The following NEGR1 variants were observed in gnomAD, a reference collection of about 807,000 sequenced individuals.
NEGR1 encodes the protein neuronal growth regulator 1.
Under a neutral mutation model 40.9 loss-of-function variants are expected in NEGR1, and 10 were observed. The ratio of observed to expected loss-of-function variants is 0.24; its 90% CI spans 0.15 to 0.42. The LOEUF (loss-of-function observed/expected upper bound fraction) is 0.42, where lower values mean the gene tolerates loss of function less well. Ranked by LOEUF, NEGR1 falls within the 10% of genes least tolerant of loss-of-function variation. NEGR1 has a pLI of 1.00. For missense variants in NEGR1, 352 were observed against 438.9 expected (o/e 0.80, Z 1.77); for synonymous variants, 185 against 166.8 (o/e 1.11, Z -0.84).
intron 1 of NEGR1, among the ~76,000 whole-genome samples, chr1:71,960,389 C>G (rs1290105665): frequency 6.6e-6 from 1 of 152,010 alleles, no homozygotes; most frequent in Non-Finnish European, 1.5e-5. Flanking sequence ...ATTCTATGGT[C>G]AAGATATAAC....
intron 1 of NEGR1, among the ~76,000 whole-genome samples, chr1:72,070,437 G>C (rs111273749): frequency 0.015 from 2,278 of 151,942 alleles, 54 homozygotes; most frequent in African/African-American, 0.052. Context: ...GTAATTTGGT[G>C]AAAAAAGTTT....
chr1:71,624,803 C>G (rs943299214), intron 4 of NEGR1, among the ~76,000 whole-genome samples: 1 of 151,924 alleles, frequency 6.6e-6, no homozygotes, highest in Non-Finnish European at 1.5e-5. Flanking sequence ...CCCCCTTACT[C>G]TCAAATTCTT....
At chr1:72,244,110 G>GT (rs1654830191) in intron 1 of NEGR1, among the ~76,000 whole-genome samples, 1 of 151,356 alleles carries the variant, frequency 6.6e-6, no homozygotes, top group Admixed American at 6.6e-5. Context: ...CTTTTGTTCT[G>GT]TTTTGACGAT....
intron 5 of NEGR1, among the ~76,000 whole-genome samples, chr1:71,606,776 A>G (rs1235689303): frequency 6.7e-6 from 1 of 149,262 alleles, no homozygotes; most frequent in Non-Finnish European, 1.5e-5. Context: ...GTAAGTGTAT[A>G]TTTCTTTCTT....
At chr1:71,476,009 T>C (rs1646817370) in intron 6 of NEGR1, among the ~76,000 whole-genome samples, 1 of 152,130 alleles carries the variant, frequency 6.6e-6, no homozygotes, top group Admixed American at 6.6e-5. Flanking sequence ...ACTTGATTTA[T>C]CTTTTGAGAA....
In NEGR1 at chr1:71,783,914, C is replaced by T. The variant is rs76133159; in HGVS notation, c.410-7617G>A. Among the ~76,000 whole-genome samples, 615 of 152,128 alleles carry T rather than the reference C, an allele frequency of 4.0e-3. 2 individuals are homozygous for T. Among genetic ancestry groups the T allele is most frequent in the Non-Finnish European group, 6.5e-3 (444 of 67,988 alleles). On this transcript the variant is annotated intron_variant, in intron 2 of 6. Coordinates refer to ENST00000357731, the MANE Select transcript of NEGR1 (RefSeq NM_173808.3). ...TAAGCCCCATCTCAGGGTGACTAAT[C>T]TTAAGGAGTCCATGTCTAAAGAGTT...
chr1:71,685,900 C>A (rs1301330662), intron 4 of NEGR1, among the ~76,000 whole-genome samples: 1 of 152,198 alleles, frequency 6.6e-6, no homozygotes, highest in African/African-American at 2.4e-5. Context: ...TTTTTGGCAT[C>A]GCGACGGAGC....
At chr1:71,771,772 A>G (rs1394536668) in intron 3 of NEGR1, among the ~76,000 whole-genome samples, 1 of 151,852 alleles carries the variant, frequency 6.6e-6, no homozygotes, top group African/African-American at 2.4e-5. Flanking sequence ...CAAATAATAA[A>G]TAGGAGAAAG....
chr1:71,774,939 G>A (rs2169096), intron 3 of NEGR1, among the ~76,000 whole-genome samples: 113,528 of 152,044 alleles, frequency 0.75, 44,301 homozygotes, highest in East Asian at 0.86. Context: ...AGAAGTACTG[G>A]AAATCTATAA....
intron 2 of NEGR1, among the ~76,000 whole-genome samples, chr1:71,780,040 C>CAAAAAAAAAAAAAAAAAAAAAAAAAAAAA (rs57576840): frequency 2.0e-5 from 2 of 99,734 alleles, no homozygotes; most frequent in Non-Finnish European, 3.6e-5. Context: ...ATAGGAAAAC[C>CAAAAAAAAAAAAAAAAAAAAAAAAAAAAA]AAAAAAAAAA....
At chr1:71,452,668 C>T (rs1477923287) in intron 6 of NEGR1, among the ~76,000 whole-genome samples, 1 of 151,918 alleles carries the variant, frequency 6.6e-6, no homozygotes, top group African/African-American at 2.4e-5. Flanking sequence ...TAAGGTTTTG[C>T]TAACATTTCC....
intron 6 of NEGR1, among the ~76,000 whole-genome samples, chr1:71,419,793 C>G (rs1314600160): frequency 6.6e-6 from 1 of 151,850 alleles, no homozygotes; most frequent in Non-Finnish European, 1.5e-5. Context: ...CTAAGATTAT[C>G]CAACTTGTAA....
intron 1 of NEGR1, among the ~76,000 whole-genome samples, chr1:72,065,819 A>G (rs1056871652): frequency 6.6e-6 from 1 of 152,114 alleles, no homozygotes; most frequent in African/African-American, 2.4e-5. Flanking sequence ...TCACAGCACC[A>G]CTATGAGACC....
chr1:71,800,616 T>G (rs2101747681), intron 2 of NEGR1, among the ~76,000 whole-genome samples: 1 of 152,294 alleles, frequency 6.6e-6, no homozygotes, highest in African/African-American at 2.4e-5. Context: ...TCAATCAAAA[T>G]TATTTGCTTT....
chr1:71,748,091 G>C (rs1485020680), intron 3 of NEGR1, among the ~76,000 whole-genome samples: 2 of 152,040 alleles, frequency 1.3e-5, no homozygotes, highest in Non-Finnish European at 2.9e-5. Flanking sequence ...TCCTCATTTA[G>C]ATATGAGAAG....
At chr1:71,586,798 C>G (rs992747882) in intron 6 of NEGR1, among the ~76,000 whole-genome samples, 1 of 152,134 alleles carries the variant, frequency 6.6e-6, no homozygotes, top group Non-Finnish European at 1.5e-5. Flanking sequence ...TGTATACTTT[C>G]ATGACTTATG....
At chr1:71,707,645 G>T (rs538045627) in intron 3 of NEGR1, among the ~76,000 whole-genome samples, 27 of 152,138 alleles carry the variant, frequency 1.8e-4, no homozygotes, top group Non-Finnish European at 3.8e-4. Flanking sequence ...CCAGGGCTGT[G>T]AGTGAACACA....
intron 1 of NEGR1, among the ~76,000 whole-genome samples, chr1:72,117,697 C>A (rs1649634450): frequency 6.6e-6 from 1 of 151,720 alleles, no homozygotes; most frequent in Admixed American, 6.6e-5. Context: ...GACATTTATT[C>A]CGCAATGGAA....
At chr1:72,234,320 CT>C (rs1331560470) in intron 1 of NEGR1, among the ~76,000 whole-genome samples, 1 of 152,066 alleles carries the variant, frequency 6.6e-6, no homozygotes, top group African/African-American at 2.4e-5. Context: ...TAGTCTTGTT[CT>C]TTTTTATGGC....
Sources: allele counts gnomAD v4.1 joint callset (sites outside exome capture counted in the v4.1 genomes callset), GRCh38; gene constraint gnomAD v4.1.1; transcripts MANE v1.5; gene names NCBI Gene and HGNC (gene_info 2026-07-23, HGNC 2026-07-21).